KIRREL3: variants seen among roughly 807,000 people sequenced by gnomAD.
The protein encoded by KIRREL3 is kirre like nephrin family adhesion molecule 3, also known as kin of IRRE-like protein 3.
Under a neutral mutation model 89.7 loss-of-function variants are expected in KIRREL3, and 36 were observed. That is an observed-to-expected ratio of 0.40 (90% CI 0.31 to 0.53). KIRREL3 has a LOEUF of 0.53. Among genes scored for constraint, KIRREL3 ranks in the 20% least tolerant of loss-of-function variants. KIRREL3 has a pLI of 0.49. For synonymous variants in KIRREL3, 445 were observed against 441.4 expected (o/e 1.01, Z -0.10); for missense variants, 864 against 1,056.6 (o/e 0.82, Z 2.53).
chr11:126,440,479 G>C lies in KIRREL3; in HGVS notation c.1323C>G (p.Phe441Leu), dbSNP rs1320023387. The change falls in exon 11 of 17, where the codon TTC (phenylalanine) becomes TTG (leucine). Residue 441 changes from phenylalanine (F) to leucine (L), a missense_variant. By Grantham distance (22) the Phe-to-Leu change is conservative. Transcript: ENST00000525144. ...LHGEKGQIKC[F>L]IRSTPPPDRI... ...GGTCCGGCGGCGGCGTGCTCCGGAT[G>C]AAGCACTTGATCTGGCCCTTCTCGC... 3.1e-6 allele frequency: 5 copies of C among 1,595,736 alleles called. No individual in the cohort carries two copies. The South Asian group carries it at 5.7e-5, about 18-fold the overall frequency.
At chr11:126,464,370 A>G (rs1053777687) in intron 5 of KIRREL3, among the ~76,000 whole-genome samples, 1 of 143,216 alleles carries the variant, frequency 7.0e-6, no homozygotes, top group African/African-American at 2.5e-5. Flanking sequence ...AAAGAAAAAA[A>G]TTAAAAAAAA....
At chr11:126,613,358 T>C (rs1943211176) in intron 1 of KIRREL3, among the ~76,000 whole-genome samples, 2 of 152,192 alleles carry the variant, frequency 1.3e-5, no homozygotes, top group African/African-American at 4.8e-5. Flanking sequence ...TTCACACGGA[T>C]ATTGGAGATG....
intron 1 of KIRREL3, among the ~76,000 whole-genome samples, chr11:126,644,724 A>G (rs1355999729): frequency 6.6e-6 from 1 of 152,232 alleles, no homozygotes; most frequent in East Asian, 1.9e-4. Flanking sequence ...TCTGTGGAAA[A>G]CAATATGCAG....
Position 126,477,350 on chromosome 11 carries a change from G to A in KIRREL3, c.434-3884C>T, listed in dbSNP as rs1459258303. 1.3e-5 allele frequency among the ~76,000 whole-genome samples: 2 copies of A among 152,134 alleles called. No individual in the cohort carries two copies. The highest frequency in any genetic ancestry group is 4.8e-5 in the African/African-American group (2 of 41,442). On this transcript the variant is annotated intron_variant, in intron 4 of 16. Coordinates refer to ENST00000525144, the MANE Select transcript of KIRREL3 (RefSeq NM_032531.4). This position sits in a 1 kb window ranked among gnomAD's most constrained non-coding sequence, Gnocchi z 4.8. The stretch of plus-strand genomic sequence containing the variant: ...GTTTGGGTGGGCGGTGGGGGTACCC[G>A]TCCCTTTCCCTGTGTGTGGGAGGGA...
intron 1 of KIRREL3, among the ~76,000 whole-genome samples, chr11:126,654,043 G>C (rs1945020464): frequency 2.0e-5 from 3 of 152,190 alleles, no homozygotes; most frequent in Non-Finnish European, 2.9e-5. Context: ...TGATGTCCTT[G>C]AATCTCCCTA....
chr11:126,534,430 G>A (rs1351363913), intron 2 of KIRREL3, among the ~76,000 whole-genome samples: 2 of 152,178 alleles, frequency 1.3e-5, no homozygotes, highest in African/African-American at 2.4e-5. Flanking sequence ...TCCCACATTC[G>A]CTTGGTTAGG....
In KIRREL3 at chr11:126,931,035, G is replaced by A. The variant is rs549472589; in HGVS notation, c.55+69420C>T. ...TCCATCTCCCACTCTCACACAGGACGAGTGTAGACAGCACCTTCTCTCAGA... is the reference window on the plus strand; with the variant it reads ...TCCATCTCCCACTCTCACACAGGACAAGTGTAGACAGCACCTTCTCTCAGA... On this transcript the variant is annotated intron_variant, in intron 1 of 16. Coordinates refer to ENST00000525144, the MANE Select transcript of KIRREL3 (RefSeq NM_032531.4). This position sits in a 1 kb window ranked among gnomAD's most constrained non-coding sequence, Gnocchi z 5.1. Among the ~76,000 whole-genome samples the A allele has an allele frequency of 4.9e-4, 75 of 152,176 alleles. No individual in the cohort carries two copies. The highest frequency in any genetic ancestry group is 6.0e-4 in the Non-Finnish European group (41 of 68,022).
chr11:126,732,228 A>G (rs1001140738), intron 1 of KIRREL3, among the ~76,000 whole-genome samples: 1 of 152,254 alleles, frequency 6.6e-6, no homozygotes, highest in East Asian at 1.9e-4. Flanking sequence ...AGAGTAATTA[A>G]TAGGAAACTA....
At chr11:126,503,282 G>T (rs1199711189) in intron 4 of KIRREL3, among the ~76,000 whole-genome samples, 1 of 152,204 alleles carries the variant, frequency 6.6e-6, no homozygotes, top group Admixed American at 6.5e-5. Context: ...GGCAGCAATG[G>T]AGTAGGGGGC....
intron 4 of KIRREL3, among the ~76,000 whole-genome samples, chr11:126,481,711 T>A (rs900558776): frequency 6.6e-6 from 1 of 152,240 alleles, no homozygotes; most frequent in Non-Finnish European, 1.5e-5. Flanking sequence ...TCAGCCATCA[T>A]CCTTTTGTGC....
rs1948821382 is a variant in KIRREL3, at chr11:126,953,300, A to T, written c.55+47155T>A. 6.8e-6 allele frequency among the ~76,000 whole-genome samples: 1 copy of T among 146,324 alleles called. No individual in the cohort carries two copies. Among genetic ancestry groups the T allele is most frequent in the Non-Finnish European group, 1.5e-5 (1 of 67,014 alleles). ...TCGAACAATGAGAACACATGGACAC[A>T]GGGAGGGGACATCATACACCGGGGC... is the stretch of plus-strand genomic sequence containing the variant. On this transcript the variant is annotated intron_variant, in intron 1 of 16. Coordinates refer to ENST00000525144, the MANE Select transcript of KIRREL3 (RefSeq NM_032531.4). This position sits in a 1 kb window ranked among gnomAD's most constrained non-coding sequence, Gnocchi z 5.2.
At chr11:126,690,362 G>GTTT (rs397798500) in intron 1 of KIRREL3, among the ~76,000 whole-genome samples, 35 of 149,608 alleles carry the variant, frequency 2.3e-4, no homozygotes, top group African/African-American at 8.1e-4. Context: ...CTAAGCAGGG[G>GTTT]TTTTTTTTTT....
chr11:126,478,804 T>C (rs1015688074), intron 4 of KIRREL3, among the ~76,000 whole-genome samples: 2 of 152,118 alleles, frequency 1.3e-5, no homozygotes, highest in Non-Finnish European at 2.9e-5. Flanking sequence ...CATGTGTGTG[T>C]GCATTGGGTA....
rs1001774739 is a variant in KIRREL3 at position 126,904,900 on chromosome 11, G to T, written c.55+95555C>A. 6.6e-6 allele frequency among the ~76,000 whole-genome samples: 1 copy of T among 152,050 alleles called. No homozygotes were observed. Among genetic ancestry groups the T allele is most frequent in the African/African-American group, 2.4e-5 (1 of 41,390 alleles). On this transcript the variant is annotated intron_variant, in intron 1 of 16. Coordinates refer to ENST00000525144, the MANE Select transcript of KIRREL3 (RefSeq NM_032531.4). This position sits in a 1 kb window ranked among gnomAD's most constrained non-coding sequence, Gnocchi z 4.4. ...GGTATCTAGGACAACTCCAAGTATA[G>T]CTAAGTATATAATAAATAACTGACT...
In KIRREL3 at chr11:126,908,408, C is replaced by G. The variant is rs1472346793; in HGVS notation, c.55+92047G>C. ...TTCAAAACTGGCCTCCATCTCTGAC[C>G]AGCTGTGTGACTTTGGGCAAGTCAC... is the stretch of plus-strand genomic sequence containing the variant. On this transcript the variant is annotated intron_variant, in intron 1 of 16. Coordinates refer to ENST00000525144, the MANE Select transcript of KIRREL3 (RefSeq NM_032531.4). The surrounding 1 kb of genome is among the most constrained non-coding windows in gnomAD (Gnocchi z 4.2). Among the ~76,000 whole-genome samples the G allele has an allele frequency of 6.6e-6, 1 of 152,172 alleles. No individual in the cohort carries two copies. The highest frequency in any genetic ancestry group is 1.5e-5 in the Non-Finnish European group (1 of 68,020).
rs909470751 is a variant in KIRREL3 at position 126,891,431 on chromosome 11, G to T, written c.55+109024C>A. On this transcript the variant is annotated intron_variant, in intron 1 of 16. Transcript: ENST00000525144. The surrounding 1 kb of genome is among the most constrained non-coding windows in gnomAD (Gnocchi z 5.1). ...TAAAGGGCAAGGAGCTGGAAGGAAA[G>T]GCAGAAGAGGAGGCAAGAGGTGAGC... 6.6e-6 allele frequency among the ~76,000 whole-genome samples: 1 copy of T among 152,222 alleles called. No homozygotes were observed. Among genetic ancestry groups the T allele is most frequent in the Non-Finnish European group, 1.5e-5 (1 of 68,032 alleles).
intron 1 of KIRREL3, among the ~76,000 whole-genome samples, chr11:126,966,059 T>A (rs1949261339): frequency 6.6e-6 from 1 of 152,220 alleles, no homozygotes; most frequent in Non-Finnish European, 1.5e-5. Context: ...AATGGTTAGC[T>A]GATGCCAGGG....
Position 126,754,662 on chromosome 11 carries a change from G to C in KIRREL3, c.56-191750C>G, listed in dbSNP as rs1402438272. 6.6e-6 allele frequency among the ~76,000 whole-genome samples: 1 copy of C among 151,978 alleles called. No homozygotes were observed. Among genetic ancestry groups the C allele is most frequent in the Non-Finnish European group, 1.5e-5 (1 of 68,020 alleles). On this transcript the variant is annotated intron_variant, in intron 1 of 16. Coordinates refer to ENST00000525144, the MANE Select transcript of KIRREL3 (RefSeq NM_032531.4). This position sits in a 1 kb window ranked among gnomAD's most constrained non-coding sequence, Gnocchi z 5.1. ...GCGCACTCAGTGGTGTCAGGTGGCT[G>C]TGTTGTCTTCTTTCTGAGTTGTCTT...
rs781712642 is a variant in KIRREL3 at position 126,970,852 on chromosome 11, A to T, written c.55+29603T>A. Among the ~76,000 whole-genome samples the T allele has an allele frequency of 1.3e-5, 2 of 152,170 alleles. No individual in the cohort carries two copies. Among genetic ancestry groups the T allele is most frequent in the Non-Finnish European group, 2.9e-5 (2 of 68,032 alleles). ...CCCATAGAAACACTTGCAAATTAGG[A>T]TCCAATGAGGCTCACCTGCTGCCAG... On this transcript the variant is annotated intron_variant, in intron 1 of 16. Transcript: ENST00000525144. The surrounding 1 kb of genome is among the most constrained non-coding windows in gnomAD (Gnocchi z 4.4).
Sources: allele counts gnomAD v4.1 joint callset (sites outside exome capture counted in the v4.1 genomes callset), GRCh38; gene constraint gnomAD v4.1.1; non-coding constraint Gnocchi (gnomAD v3.1); transcripts MANE v1.5; gene names NCBI Gene and HGNC (gene_info 2026-07-23, HGNC 2026-07-21).